The following TSHR variants were observed in gnomAD, a reference collection of about 807,000 sequenced individuals.
TSHR encodes the protein thyroid stimulating hormone receptor.
In TSHR, 51 loss-of-function variants were observed where a neutral mutation model predicts 64.1. The observed-to-expected ratio is 0.80, with a 90% CI of 0.64 to 1.01. TSHR has a LOEUF of 1.01. Among genes scored for constraint, TSHR ranks in the 50% least tolerant of loss-of-function variants. TSHR has a pLI of 0.00. For synonymous variants in TSHR, 361 were observed against 361.9 expected (o/e 1.00, Z 0.03); for missense variants, 877 against 942.8 (o/e 0.93, Z 0.91).
intron 7 of TSHR, 95 bp from the exon 8 acceptor site, chr14:81,108,280 T>G (rs947197310): frequency 2.9e-5 from 31 of 1,055,388 alleles, no homozygotes; most frequent in Non-Finnish European, 7.4e-6. Context: ...GTCAATACTA[T>G]GGTCACATTT....
chr14:81,099,295 A>C (rs1482803858), intron 7 of TSHR: 4 of 151,170 alleles, frequency 2.6e-5, no homozygotes, highest in Non-Finnish European at 5.9e-5. Flanking sequence ...TGGCTGTTTT[A>C]ATTTGATAGA....
intron 7 of TSHR, among the ~76,000 whole-genome samples, chr14:81,097,063 G>A (rs1021203457): frequency 1.3e-5 from 2 of 152,034 alleles, no homozygotes; most frequent in Non-Finnish European, 2.9e-5. Context: ...ATGTTTTTGG[G>A]AAAGATGTCA....
At chr14:81,142,464 G>A (rs891017046) in intron 9 of TSHR, among the ~76,000 whole-genome samples, 2 of 152,088 alleles carry the variant, frequency 1.3e-5, no homozygotes, top group Non-Finnish European at 2.9e-5. Flanking sequence ...AGCACAGTAG[G>A]GGAGGGGAGG....
chr14:80,967,688 A>G (rs1209890932), intron 1 of TSHR, among the ~76,000 whole-genome samples: 1 of 152,210 alleles, frequency 6.6e-6, no homozygotes, highest in African/African-American at 2.4e-5. Context: ...GGAATGTGGT[A>G]AGAAATTTCC....
chr14:81,081,558 T>C (rs1321122029), intron 3 of TSHR, among the ~76,000 whole-genome samples: 1 of 152,196 alleles, frequency 6.6e-6, no homozygotes, highest in Non-Finnish European at 1.5e-5. Flanking sequence ...TATAGTCAGA[T>C]GAAATTAACT....
chr14:81,057,242 C>T (rs1345345744), intron 1 of TSHR, among the ~76,000 whole-genome samples: 2 of 152,098 alleles, frequency 1.3e-5, no homozygotes, highest in Admixed American at 6.5e-5. Flanking sequence ...GAAACCCCGT[C>T]TCTACTGAAA....
At chr14:80,981,792 G>A (rs1352116615) in intron 1 of TSHR, among the ~76,000 whole-genome samples, 8 of 152,156 alleles carry the variant, frequency 5.3e-5, no homozygotes, top group Admixed American at 3.9e-4. Context: ...TAGCCCAAGC[G>A]TGCCTCTGCC....
Position 81,073,006 on chromosome 14 carries a change from A to T in TSHR, c.317+4678A>T, listed in dbSNP as rs1429603124. ...AGCGAGACTCCGTCTCAAAAAAAAA[A>T]AAAAATAAAAAATAAATATATATAT... On this transcript the variant is annotated intron_variant, in intron 3 of 9. Coordinates refer to ENST00000298171, the MANE Select transcript of TSHR (RefSeq NM_000369.5). Among the ~76,000 whole-genome samples the T allele has an allele frequency of 2.8e-5, 2 of 71,576 alleles. 1 individual carries two copies. The highest frequency in any genetic ancestry group is 5.4e-5 in the Non-Finnish European group (2 of 37,290). 47.0% of individuals were successfully genotyped at this position (71,576 alleles called of 152,430 possible).
intron 8 of TSHR, among the ~76,000 whole-genome samples, chr14:81,133,599 A>G (rs929332822): frequency 6.6e-6 from 1 of 152,198 alleles, no homozygotes; most frequent in South Asian, 2.1e-4. Context: ...CTAAAACAAA[A>G]AAGACATTCA....
intron 1 of TSHR, chr14:81,052,181 C>T (rs1174259409): frequency 6.6e-6 from 1 of 152,162 alleles, no homozygotes; most frequent in Non-Finnish European, 1.5e-5. Context: ...AGTTTCAGAT[C>T]TTACATTTAA....
Position 80,955,704 on chromosome 14 carries a change from G to C in TSHR, c.24G>C (p.Gln8His). The C allele has an allele frequency of 6.2e-7, 1 of 1,614,150 alleles. No homozygotes were observed. The highest frequency in any genetic ancestry group is 1.1e-5 in the South Asian group (1 of 91,082). Residue 8 changes from glutamine (Q) to histidine (H), a missense_variant, in exon 1 of 10, where the codon CAG (glutamine) becomes CAC (histidine). Coordinates refer to ENST00000298171, the MANE Select transcript of TSHR (RefSeq NM_000369.5). ...AAATGAGGCCGGCGGACTTGCTGCA[G>C]CTGGTGCTGCTGCTCGACCTGCCCA... is the stretch of plus-strand genomic sequence containing the variant. MRPADLL[Q>H]LVLLLDLPRD...
chr14:81,005,219 GTGTGTGTGTGTGTGT>G (rs1889535443), intron 1 of TSHR, among the ~76,000 whole-genome samples: 1 of 113,430 alleles, frequency 8.8e-6, no homozygotes, highest in Non-Finnish European at 1.8e-5. Flanking sequence ...GTGTGTGTGT[GTGTGTGTGTGTGTGT>G]GTGTGTGCAC....
intron 7 of TSHR, among the ~76,000 whole-genome samples, chr14:81,097,712 C>G (rs1183152269): frequency 1.3e-5 from 2 of 152,098 alleles, no homozygotes; most frequent in Non-Finnish European, 2.9e-5. Context: ...GGTTCTGGAA[C>G]AATTCCATTT....
chr14:81,031,854 T>C (rs1884365615), intron 1 of TSHR, among the ~76,000 whole-genome samples: 1 of 152,116 alleles, frequency 6.6e-6, no homozygotes, highest in African/African-American at 2.4e-5. Flanking sequence ...CCAAAGCCAA[T>C]GCACTCTACC....
intron 1 of TSHR, among the ~76,000 whole-genome samples, chr14:81,027,366 A>T (rs1884123672): frequency 6.6e-6 from 1 of 152,178 alleles, no homozygotes; most frequent in Non-Finnish European, 1.5e-5. Context: ...TAAAGGACAC[A>T]CAATATTCCA....
chr14:80,984,483 C>T (rs1888336686), intron 1 of TSHR, among the ~76,000 whole-genome samples: 1 of 152,080 alleles, frequency 6.6e-6, no homozygotes, highest in Non-Finnish European at 1.5e-5. Flanking sequence ...TCTGGGTACC[C>T]TCCAATGAGA....
chr14:81,138,187 ATTTT>A (rs368195048), intron 8 of TSHR, among the ~76,000 whole-genome samples: 3 of 130,368 alleles, frequency 2.3e-5, no homozygotes, highest in Admixed American at 7.7e-5. Flanking sequence ...GCCAAGGGTA[ATTTT>A]TTTTTTTTTT....
chr14:81,097,243 T>G (rs1328480973), intron 7 of TSHR, among the ~76,000 whole-genome samples: 1 of 152,214 alleles, frequency 6.6e-6, no homozygotes, highest in Non-Finnish European at 1.5e-5. Flanking sequence ...TTTTTTCTAT[T>G]TCACCTTTTT....
rs750119853 is a variant in TSHR, at chr14:81,134,941, T to G, written c.693-4738T>G. On this transcript the variant is annotated intron_variant, in intron 8 of 9. Transcript: ENST00000298171. ...TCACACCAGGGATAAAGAGAAGGTC[T>G]GAGAAGCTTCCAGAAGTAATAACAA... Among the ~76,000 whole-genome samples, 46 of 152,200 alleles carry G rather than the reference T, an allele frequency of 3.0e-4. 1 individual carries two copies. Among genetic ancestry groups the G allele is most frequent in the Non-Finnish European group, 6.5e-4 (44 of 68,036 alleles).
Sources: allele counts gnomAD v4.1 joint callset (sites outside exome capture counted in the v4.1 genomes callset), GRCh38; gene constraint gnomAD v4.1.1; transcripts MANE v1.5; gene names NCBI Gene and HGNC (gene_info 2026-07-23, HGNC 2026-07-21).